SVIL: variants seen among roughly 807,000 people sequenced by gnomAD.
The protein encoded by SVIL is supervillin.
A neutral mutation model predicts 240.4 loss-of-function variants in SVIL; 101 were observed. The ratio of observed to expected loss-of-function variants is 0.42; its 90% CI spans 0.36 to 0.50. The LOEUF is 0.50. Ranked by LOEUF, SVIL falls within the 20% of genes least tolerant of loss-of-function variation. The pLI, the probability that SVIL is intolerant of heterozygous loss-of-function variation, is 0.01. For synonymous variants in SVIL, 999 were observed against 1,100.0 expected (o/e 0.91, Z 1.82); for missense variants, 2,512 against 2,818.7 (o/e 0.89, Z 2.46).
Position 29,471,136 on chromosome 10 carries a change from A to C in SVIL, c.5635+2T>G. Reference sequence around the variant, plus strand: ...CGAATTCCAGCAGTAAAAGTGACTTACTTTGCACATTTTCTTCTTCCTCTT... The same window carrying C: ...CGAATTCCAGCAGTAAAAGTGACTTCCTTTGCACATTTTCTTCTTCCTCTT... On this transcript the variant is annotated splice_donor_variant, in intron 31 of 37. Transcript: ENST00000355867. LOFTEE classifies it high-confidence loss of function. 6.2e-7 allele frequency: 1 copy of C among 1,612,676 alleles called. No homozygotes were observed. Among genetic ancestry groups the C allele is most frequent in the Non-Finnish European group, 8.5e-7 (1 of 1,179,342 alleles).
At chr10:29,619,797 T>C (rs1957561014) in intron 1 of SVIL, among the ~76,000 whole-genome samples, 1 of 152,238 alleles carries the variant, frequency 6.6e-6, no homozygotes, top group Non-Finnish European at 1.5e-5. Flanking sequence ...CATGTACTCA[T>C]TTTCTCCTCA....
At chr10:29,495,894 A>T (rs1302981424) in intron 18 of SVIL, among the ~76,000 whole-genome samples, 1 of 152,244 alleles carries the variant, frequency 6.6e-6, no homozygotes, top group African/African-American at 2.4e-5. Flanking sequence ...CTTAGTAAAC[A>T]GAAGGATGAG....
At chr10:29,652,170 G>A (rs964626681) in intron 3 of SVIL, among the ~76,000 whole-genome samples, 3 of 152,026 alleles carry the variant, frequency 2.0e-5, no homozygotes, top group South Asian at 2.1e-4. Context: ...CATCATTCCC[G>A]GAAGAAACCA....
chr10:29,669,315 G>A (rs574545897), intron 2 of SVIL, among the ~76,000 whole-genome samples: 31 of 152,254 alleles, frequency 2.0e-4, no homozygotes, highest in African/African-American at 7.2e-4. Flanking sequence ...GTCTGTGCAC[G>A]AAACTTGCAA....
In SVIL at chr10:29,457,886, C is replaced by CAA. The variant is rs912779309; in HGVS notation, c.*359_*360dup. On this transcript the variant is annotated 3_prime_UTR_variant, in exon 38 of 38. Coordinates refer to ENST00000355867, the MANE Select transcript of SVIL (RefSeq NM_021738.3). ...AAATATATATATATTTTAGAATCCA[C>CAA]AAACTATCAAAATAACACTTTATAA... 1 of 145,550 alleles carries CAA rather than the reference C, an allele frequency of 6.9e-6. No homozygotes were observed. Among genetic ancestry groups the CAA allele is most frequent in the African/African-American group, 2.6e-5 (1 of 37,954 alleles). 9.0% of individuals were successfully genotyped at this position (145,550 alleles called of 1,614,324 possible). A position where few individuals can be genotyped will look rare whatever the true frequency, so the allele number is the denominator to read the frequency against.
Position 29,486,541 on chromosome 10 carries a change from G to C in SVIL, c.4502C>G (p.Thr1501Ser). Residue 1501 changes from threonine to serine, a missense_variant, in exon 25 of 38, where the codon ACT becomes AGT. Physicochemically the swap from Thr to Ser is moderately conservative, Grantham distance 58. Coordinates refer to ENST00000355867, the MANE Select transcript of SVIL (RefSeq NM_021738.3). Reference protein sequence around the residue: ...IEKAKASELATLIQTKRELGC... With the variant: ...IEKAKASELASLIQTKRELGC... ...AAGTTCCCTCTTTGTCTGAATTAAAGTTGCAAGTTCTGAGGCCTAAAAAAG... is the reference window on the plus strand; with the variant it reads ...AAGTTCCCTCTTTGTCTGAATTAAACTTGCAAGTTCTGAGGCCTAAAAAAG... 1 of 1,614,162 alleles carries C rather than the reference G, an allele frequency of 6.2e-7. No individual in the cohort carries two copies. Among genetic ancestry groups the C allele is most frequent in the East Asian group, 2.2e-5 (1 of 44,880 alleles).
rs184871427 is a variant in SVIL, at chr10:29,725,628, T to C, written c.-400+10123A>G. 1.3e-3 allele frequency among the ~76,000 whole-genome samples: 193 copies of C among 152,086 alleles called. 1 individual carries two copies. Among genetic ancestry groups the C allele is most frequent in the Non-Finnish European group, 2.1e-3 (146 of 67,998 alleles). On this transcript the variant is annotated intron_variant, in intron 1 of 35. Coordinates refer to the SVIL transcript ENST00000375400. ...AGCTGCTTGCCTCACCAAGCACCATTGAGGGGATCAAGGCAGAAACCAGAG... is the reference window on the plus strand; with the variant it reads ...AGCTGCTTGCCTCACCAAGCACCATCGAGGGGATCAAGGCAGAAACCAGAG...
At chr10:29,637,151 G>C (rs543351852), upstream of SVIL, among the ~76,000 whole-genome samples, 4 of 152,056 alleles carry the variant, frequency 2.6e-5, no homozygotes, top group East Asian at 7.7e-4. Context: ...TATAGTAAAG[G>C]TACAGGCCCT....
intron 1 of SVIL, among the ~76,000 whole-genome samples, chr10:29,711,134 T>G (rs904280015): frequency 6.9e-6 from 1 of 145,698 alleles, no homozygotes; most frequent in Non-Finnish European, 1.6e-5. Flanking sequence ...GAATGGCGAC[T>G]CATGCCTGTA....
At chr10:29,686,451 T>C (rs1246154448) in intron 2 of SVIL, 1 of 152,260 alleles carries the variant, frequency 6.6e-6, no homozygotes, top group Non-Finnish European at 1.5e-5. Flanking sequence ...CCAGTTGTTA[T>C]TATAACAGAA....
Position 29,570,448 on chromosome 10 carries a change from G to T in SVIL, c.-200-1136C>A, listed in dbSNP as rs369636885. Among the ~76,000 whole-genome samples the T allele has an allele frequency of 2.8e-3, 422 of 152,290 alleles. 2 individuals carry two copies. Among genetic ancestry groups the T allele is most frequent in the African/African-American group, 9.7e-3 (405 of 41,554 alleles). ...TACTCAAAATAACCTTAGCGTTTCA[G>T]TTTTGTTCAATCAGTGAACTGAACA... On this transcript the variant is annotated intron_variant, in intron 1 of 37. Coordinates refer to ENST00000355867, the MANE Select transcript of SVIL (RefSeq NM_021738.3).
Position 29,480,527 on chromosome 10 carries a change from G to A in SVIL, c.5377+10C>T, listed in dbSNP as rs369031697. On this transcript the variant is annotated intron_variant, in intron 29 of 37. Transcript: ENST00000355867. Reference sequence around the variant, plus strand: ...CTTTCAGCTGGAAAAAACCACAAGCGCTCACTAACCTGCCGTGCTCACCAT... The same window carrying A: ...CTTTCAGCTGGAAAAAACCACAAGCACTCACTAACCTGCCGTGCTCACCAT... 65 of 1,609,360 alleles carry A rather than the reference G, an allele frequency of 4.0e-5. No individual in the cohort carries two copies. The highest frequency in any genetic ancestry group is 2.8e-4 in the African/African-American group (21 of 74,802).
chr10:29,462,330 T>C lies in SVIL; in HGVS notation c.6349A>G (p.Asn2117Asp), dbSNP rs779558079. Residue 2117 changes from asparagine (N) to aspartate (D), a missense_variant, in exon 36 of 38, where the codon AAT (asparagine) becomes GAT (aspartate). Around this residue, in one of 3 missense-constraint regions of SVIL, gnomAD observed 797 missense variants for 925.3 expected, o/e 0.86. Transcript: ENST00000355867. ...CTGTGCTCCCAGCTGGGAAACATAT[T>C]GGTGAATGTCAGGGGCTCCAGACCA... is the stretch of plus-strand genomic sequence containing the variant. ...HAGLEPLTFT[N>D]MFPSWEHRED... 6.2e-7 allele frequency: 1 copy of C among 1,614,078 alleles called. No individual in the cohort carries two copies. Among genetic ancestry groups the C allele is most frequent in the Non-Finnish European group, 8.5e-7 (1 of 1,180,038 alleles).
intron 1 of SVIL, chr10:29,602,398 G>A: frequency 2.2e-6 from 1 of 455,192 alleles, no homozygotes; most frequent in Non-Finnish European, 4.6e-6. Context: ...CTTCTCTGCT[G>A]TGGGACAACC....
chr10:29,467,676 G>C, intron 33 of SVIL, 66 bp downstream of exon 33: 1 of 1,597,928 alleles, frequency 6.3e-7, no homozygotes, highest in South Asian at 1.1e-5. Flanking sequence ...CTGGATAACA[G>C]AGCAAGACTC....
intron 1 of SVIL, among the ~76,000 whole-genome samples, chr10:29,728,074 C>T (rs1407173871): frequency 6.6e-6 from 1 of 152,138 alleles, no homozygotes; most frequent in Non-Finnish European, 1.5e-5. Flanking sequence ...GAAAGCATCC[C>T]TAGCGAGGCT....
intron 3 of SVIL, among the ~76,000 whole-genome samples, chr10:29,646,503 T>C (rs1958663050): frequency 6.6e-6 from 1 of 152,176 alleles, no homozygotes; most frequent in Non-Finnish European, 1.5e-5. Flanking sequence ...GAAGGCAGGA[T>C]TATTTTTCAG....
chr10:29,627,286 T>C (rs1452198863), intron 1 of SVIL, among the ~76,000 whole-genome samples: 2 of 152,144 alleles, frequency 1.3e-5, no homozygotes, highest in East Asian at 1.9e-4. Context: ...TCTCGATCTC[T>C]GAAACCTTTG....
At chr10:29,577,589 G>A (rs188864874) in intron 1 of SVIL, among the ~76,000 whole-genome samples, 3 of 152,246 alleles carry the variant, frequency 2.0e-5, no homozygotes, top group Non-Finnish European at 2.9e-5. Context: ...GTTGGTCTGT[G>A]GGCACTTAGG....
Sources: gnomAD v4.1 joint callset for allele counts (sites outside exome capture counted in the v4.1 genomes callset) on GRCh38, gnomAD v4.1.1 for gene constraint, gnomAD v4.1.1 regional missense constraint, MANE v1.5 for transcripts, NCBI Gene and HGNC (gene_info 2026-07-23, HGNC 2026-07-21) for gene names.